Variants in PTPN14 observed in about 807,000 individuals in gnomAD.
The protein encoded by PTPN14 is protein tyrosine phosphatase non-receptor type 14, also known as tyrosine-protein phosphatase non-receptor type 14.
In PTPN14, 53 loss-of-function variants were observed where a neutral mutation model predicts 126.8. The observed-to-expected ratio is 0.42, with a 90% confidence interval of 0.34 to 0.53. The LOEUF (loss-of-function observed/expected upper bound fraction) is 0.53, where lower values mean the gene tolerates loss of function less well. Among genes scored for constraint, PTPN14 ranks in the 20% least tolerant of loss-of-function variants. The pLI, the probability that PTPN14 is intolerant of heterozygous loss-of-function variation, is 0.08. For missense variants in PTPN14, 1,257 were observed against 1,552.9 expected, an observed-to-expected ratio of 0.81 and a Z score of 3.20; for synonymous variants, 630 against 599.3, an observed-to-expected ratio of 1.05 and a Z score of -0.75.
At chr1:214,512,992 A>G in intron 1 of PTPN14, among the ~76,000 whole-genome samples, 1 of 152,162 alleles carries the variant, frequency 6.6e-6, no homozygotes, top group African/African-American at 2.4e-5. Flanking sequence ...GCACCCAGCC[A>G]AAAAATAAGT....
intron 1 of PTPN14, among the ~76,000 whole-genome samples, chr1:214,519,747 T>C (rs1026619953): frequency 6.6e-6 from 1 of 152,036 alleles, no homozygotes; most frequent in African/African-American, 2.4e-5. Context: ...TGAAATCTTT[T>C]ATTCAAAATA....
chr1:214,393,759 T>C lies in PTPN14; in HGVS notation c.865A>G (p.Lys289Glu). 6.2e-7 allele frequency: 1 copy of C among 1,600,262 alleles called. No individual in the cohort carries two copies. The highest frequency in any genetic ancestry group is 8.6e-7 in the Non-Finnish European group (1 of 1,167,402). ...LFHTDDIENA[K>E]YISRLFATRH... is the part of the protein sequence containing the mutation. ...GTGGCAAACAACCGAGAAATATACT[T>C]GGCATTTTCGATATCATCCTTGGAA... is the stretch of plus-strand genomic sequence containing the variant. The change falls in exon 10 of 19, where the codon AAG becomes GAG. Residue 289 changes from lysine (K) to glutamate (E), a missense_variant. By Grantham distance (56) the Lys-to-Glu change is moderately conservative. Coordinates refer to ENST00000366956, the MANE Select transcript of PTPN14 (RefSeq NM_005401.5).
intron 2 of PTPN14, among the ~76,000 whole-genome samples, chr1:214,462,397 T>C (rs1660533471): frequency 6.6e-6 from 1 of 152,206 alleles, no homozygotes; most frequent in South Asian, 2.1e-4. Context: ...AACTCTAGCT[T>C]GACCTGGTGA....
rs115758826 is a variant in PTPN14, at chr1:214,362,757, A to T, written c.3435+1755T>A. ...CAGGCTTACGCCTGTAATCCCATCA[A>T]CTCAGGAGACCGAGGTGGAAGGACT... On this transcript the variant is annotated intron_variant, in intron 18 of 18. Coordinates refer to ENST00000366956, the MANE Select transcript of PTPN14 (RefSeq NM_005401.5). 8.0e-3 allele frequency among the ~76,000 whole-genome samples: 1,218 copies of T among 152,270 alleles called. 12 individuals are homozygous for T. The highest frequency in any genetic ancestry group is 0.028 in the African/African-American group (1,158 of 41,570).
At chr1:214,367,566 A>G (rs1658111593) in intron 17 of PTPN14, among the ~76,000 whole-genome samples, 1 of 152,158 alleles carries the variant, frequency 6.6e-6, no homozygotes. Flanking sequence ...ACATGATCCA[A>G]CATCTGGATC....
intron 5 of PTPN14, among the ~76,000 whole-genome samples, chr1:214,407,313 T>A (rs984303767): frequency 2.6e-4 from 39 of 151,830 alleles, no homozygotes; most frequent in African/African-American, 9.4e-4. Context: ...TCACCTGAGG[T>A]TAGGAGTTCA....
At chr1:214,471,656 A>C (rs895455231) in intron 1 of PTPN14, among the ~76,000 whole-genome samples, 1 of 152,204 alleles carries the variant, frequency 6.6e-6, no homozygotes, top group South Asian at 2.1e-4. Context: ...GGCAAAGCAT[A>C]GAGTTTAACA....
chr1:214,383,762 A>G lies in PTPN14; in HGVS notation c.2093T>C (p.Phe698Ser). 6.2e-7 allele frequency: 1 copy of G among 1,613,134 alleles called. No homozygotes were observed. The highest frequency in any genetic ancestry group is 8.5e-7 in the Non-Finnish European group (1 of 1,179,956). The change falls in exon 13 of 19, where the codon TTC (phenylalanine) becomes TCC (serine). Residue 698 changes from phenylalanine (F) to serine (S), a missense_variant. By Grantham distance (155) the Phe-to-Ser change is radical (BLOSUM62 -2). Around this residue, in one of 3 missense-constraint regions of PTPN14, gnomAD observed 1,021 missense variants for 1,183.3 expected, o/e 0.86. Coordinates refer to ENST00000366956, the MANE Select transcript of PTPN14 (RefSeq NM_005401.5). This position sits in a 1 kb window ranked among gnomAD's most constrained non-coding sequence, Gnocchi z 4.4. ...GTGGATTAGCATAGTGGCATCAGAG[A>G]AGGTCTTCTTGTGGTGATACTGAGG... Reference protein sequence around the residue: ...QLPQYHHKKTFSDATMLIHSS... With the variant: ...QLPQYHHKKTSSDATMLIHSS...
chr1:214,392,689 C>G (rs973212129), intron 10 of PTPN14, among the ~76,000 whole-genome samples: 16 of 152,130 alleles, frequency 1.1e-4, no homozygotes, highest in Admixed American at 5.9e-4. Context: ...CCGATCAGGC[C>G]TTCTTCTGAT....
intron 1 of PTPN14, among the ~76,000 whole-genome samples, 166 bp downstream of exon 1, chr1:214,551,017 C>A (rs1264891891): frequency 1.3e-5 from 2 of 152,364 alleles, no homozygotes; most frequent in South Asian, 4.1e-4. Context: ...CGAGATAACA[C>A]CCCTGCGGCC....
chr1:214,357,701 C>T lies in PTPN14; in HGVS notation c.*221G>A, dbSNP rs546407294. 3 of 428,864 alleles carry T rather than the reference C, an allele frequency of 7.0e-6. No individual in the cohort carries two copies. The East Asian group carries it at 1.2e-4, about 17-fold the overall frequency. 26.6% of individuals were successfully genotyped at this position (428,864 alleles called of 1,614,324 possible). On this transcript the variant is annotated 3_prime_UTR_variant, in exon 19 of 19. Coordinates refer to ENST00000366956, the MANE Select transcript of PTPN14 (RefSeq NM_005401.5). Reference sequence around the variant, plus strand: ...AAGTACTATATTACTAGGGAAACTGCATTATAATAATTCACAAAAGTTATT... The same window carrying T: ...AAGTACTATATTACTAGGGAAACTGTATTATAATAATTCACAAAAGTTATT...
At position 214,383,815 on chromosome 1, in the gene PTPN14, C is replaced by G. The variant is rs1658533761; in HGVS notation, c.2040G>C (p.Gly680=). 2 of 1,612,506 alleles carry G rather than the reference C, an allele frequency of 1.2e-6. No homozygotes were observed. The highest frequency in any genetic ancestry group is 1.7e-6 in the Non-Finnish European group (2 of 1,180,004). The change falls in exon 13 of 19, where the codon GGG becomes GGC. Residue 680 remains glycine, a synonymous_variant. Transcript: ENST00000366956. The surrounding 1 kb of genome is among the most constrained non-coding windows in gnomAD (Gnocchi z 4.4). Reference sequence around the variant, plus strand: ...GCTGGGGGACCTCGTGGCTGCCTGACCCCTCCTCGGGCGGTCCCTGCTCCC... The same window carrying G: ...GCTGGGGGACCTCGTGGCTGCCTGAGCCCTCCTCGGGCGGTCCCTGCTCCC... ...TLREQGPPEE[G]SGSHEVPQLP...
Position 214,366,856 on chromosome 1 carries a change from G to A in PTPN14, c.3272-2181C>T, listed in dbSNP as rs138438822. On this transcript the variant is annotated intron_variant, in intron 17 of 18. Transcript: ENST00000366956. ...AAATTAGCCAGGCGTGGTGGTGGGC[G>A]CCTGTAGTCCCAGCTACTCGGAGAG... 7.6e-3 allele frequency among the ~76,000 whole-genome samples: 1,154 copies of A among 152,042 alleles called. 16 individuals are homozygous for A. Among genetic ancestry groups the A allele is most frequent in the African/African-American group, 0.026 (1,075 of 41,462 alleles).
At chr1:214,463,480 G>GT (rs1558114115) in intron 2 of PTPN14, among the ~76,000 whole-genome samples, 1 of 152,170 alleles carries the variant, frequency 6.6e-6, no homozygotes, top group Non-Finnish European at 1.5e-5. Context: ...TGAAACCAAA[G>GT]TATAAACACC....
chr1:214,383,906 A>G lies in PTPN14; in HGVS notation c.1949T>C (p.Val650Ala). 6.2e-7 allele frequency: 1 copy of G among 1,613,370 alleles called. No homozygotes were observed. Among genetic ancestry groups the G allele is most frequent in the African/African-American group, 1.3e-5 (1 of 75,018 alleles). Residue 650 changes from valine (V) to alanine (A), a missense_variant, in exon 13 of 19, where the codon GTG (valine) becomes GCG (alanine). Val to Ala is a moderately conservative substitution (Grantham distance 64). Coordinates refer to ENST00000366956, the MANE Select transcript of PTPN14 (RefSeq NM_005401.5). The surrounding 1 kb of genome is among the most constrained non-coding windows in gnomAD (Gnocchi z 4.4). ...GAGCGTCATGGCCTCCATGCCCCGC[A>G]CCATGCTGTTCATCACCTCCAGGCT... ...RHSLEVMNSMVRGMEAMTLKS... is the reference protein window; with the variant it reads ...RHSLEVMNSMARGMEAMTLKS...
rs1240295625 is a variant in PTPN14, at chr1:214,466,365, T to C, written c.-154-1408A>G. Among the ~76,000 whole-genome samples the C allele has an allele frequency of 2.0e-5, 3 of 152,284 alleles. No homozygotes were observed. The East Asian group carries it at 5.8e-4, about 29-fold the overall frequency. ...TTTTTTTAACAAATATTTAGACAGA[T>C]GTGGGGAACCACCCTACCATCATCT... On this transcript the variant is annotated intron_variant, in intron 1 of 18. Transcript: ENST00000366956.
At chr1:214,471,917 T>C (rs1660768526) in intron 1 of PTPN14, among the ~76,000 whole-genome samples, 2 of 152,192 alleles carry the variant, frequency 1.3e-5, no homozygotes, top group South Asian at 2.1e-4. Context: ...GAAATTGATA[T>C]GACATTCCCT....
chr1:214,369,603 G>T lies in PTPN14; in HGVS notation c.3125C>A (p.Thr1042Lys). The T allele has an allele frequency of 6.2e-7, 1 of 1,614,148 alleles. No homozygotes were observed. Among genetic ancestry groups the T allele is most frequent in the Non-Finnish European group, 8.5e-7 (1 of 1,180,038 alleles). ...SATYGKFKVT[T>K]KFRTDSVCYA... ...GCAAACAGAATCCGTTCGAAACTTC[G>T]TGGTGACCTTGAACTTGCCATAGGT... The change falls in exon 17 of 19, where the codon ACG (threonine) becomes AAG (lysine). Residue 1042 changes from threonine (T) to lysine (K), a missense_variant. This residue lies in a region of PTPN14 where 171 missense variants were observed against 229.8 expected (regional missense o/e 0.74). Coordinates refer to ENST00000366956, the MANE Select transcript of PTPN14 (RefSeq NM_005401.5).
chr1:214,383,679 T>A lies in PTPN14; in HGVS notation c.2176A>T (p.Met726Leu). ...CTGTACTCCATCTTCTCCCGGAGCA[T>A]GGGGATCTGGGGCACCGATTCTGGA... The part of the protein sequence containing the change: ...EAPESVPQIP[M>L]LREKMEYSAQ... Residue 726 changes from methionine to leucine, a missense_variant, in exon 13 of 19, where the codon ATG (methionine) becomes TTG (leucine). By Grantham distance (15) the Met-to-Leu change is conservative. This residue lies in a region of PTPN14 where 1,021 missense variants were observed against 1,183.3 expected (regional missense o/e 0.86). Coordinates refer to ENST00000366956, the MANE Select transcript of PTPN14 (RefSeq NM_005401.5). The surrounding 1 kb of genome is among the most constrained non-coding windows in gnomAD (Gnocchi z 4.4). 1 of 1,613,408 alleles carries A rather than the reference T, an allele frequency of 6.2e-7. No homozygotes were observed. The highest frequency in any genetic ancestry group is 1.1e-5 in the South Asian group (1 of 91,078).
Sources: gnomAD v4.1 joint callset for allele counts (sites outside exome capture counted in the v4.1 genomes callset) on GRCh38, gnomAD v4.1.1 for gene constraint, gnomAD v4.1.1 regional missense constraint, Gnocchi (gnomAD v3.1) non-coding constraint, MANE v1.5 for transcripts, NCBI Gene and HGNC (gene_info 2026-07-23, HGNC 2026-07-21) for gene names.